The following CEP83 variants were observed in gnomAD, a reference collection of about 807,000 sequenced individuals.
CEP83 encodes centrosomal protein 83.
CEP83 carries 70 observed loss-of-function variants against 101.9 expected under a neutral mutation model. That is an observed-to-expected ratio of 0.69 (90% confidence interval 0.57 to 0.84). The LOEUF (loss-of-function observed/expected upper bound fraction) is 0.84. Among genes scored for constraint, CEP83 ranks in the 40% least tolerant of loss-of-function variants. The pLI is 0.00. For missense variants in CEP83, 715 were observed against 787.2 expected (o/e 0.91, Z 1.10); for synonymous variants, 264 against 267.9 (o/e 0.99, Z 0.14).
chr12:94,408,470 C>T (rs79823013), intron 4 of CEP83, among the ~76,000 whole-genome samples: 8 of 152,172 alleles, frequency 5.3e-5, no homozygotes, highest in South Asian at 2.1e-4. Flanking sequence ...AAGTAATTTC[C>T]GTTTTATTAG....
chr12:94,392,387 C>T (rs547358728), intron 6 of CEP83, among the ~76,000 whole-genome samples: 4 of 152,266 alleles, frequency 2.6e-5, no homozygotes, highest in African/African-American at 9.6e-5. Flanking sequence ...TCCTGAATGA[C>T]TACTGGGTAA....
chr12:94,455,929 C>T (rs1259400844), intron 1 of CEP83, among the ~76,000 whole-genome samples: 1 of 151,870 alleles, frequency 6.6e-6, no homozygotes, highest in Non-Finnish European at 1.5e-5. Context: ...CACCTGTTAG[C>T]CCCAGCCACT....
chr12:94,272,300 C>T, the CEP83 span: 1 of 152,260 alleles, frequency 6.6e-6, no homozygotes, highest in African/African-American at 2.4e-5. Context: ...AGAGCAGCTG[C>T]TCCTCTCTTG....
chr12:94,300,632 TGAGA>T, the CEP83 span, among the ~76,000 whole-genome samples: 1 of 152,152 alleles, frequency 6.6e-6, no homozygotes, highest in African/African-American at 2.4e-5. Flanking sequence ...ATAATCCAGG[TGAGA>T]GAGATTATAA....
intron 11 of CEP83, among the ~76,000 whole-genome samples, chr12:94,336,032 G>C (rs1048376077): frequency 6.6e-6 from 1 of 152,158 alleles, no homozygotes; most frequent in Non-Finnish European, 1.5e-5. Context: ...GTATCAGAAA[G>C]TAGTCTAGTT....
intron 3 of CEP83, 79 bp downstream of exon 3, chr12:94,412,239 T>C (rs763535850): frequency 5.1e-5 from 60 of 1,178,246 alleles, no homozygotes; most frequent in Non-Finnish European, 7.1e-5. Flanking sequence ...TTATACTATA[T>C]TCTATAGCAA....
intron 11 of CEP83, among the ~76,000 whole-genome samples, chr12:94,341,336 AT>A (rs1276252340): frequency 2.9e-4 from 44 of 152,316 alleles, no homozygotes; most frequent in African/African-American, 1.0e-3. Context: ...ATAAATGGAT[AT>A]TTCTGCTTTG....
chr12:94,390,703 C>T (rs1013660532), intron 6 of CEP83, among the ~76,000 whole-genome samples: 1 of 152,060 alleles, frequency 6.6e-6, no homozygotes, highest in East Asian at 1.9e-4. Flanking sequence ...ATGTTCGAAC[C>T]CATCGCAAGG....
chr12:94,407,183 C>T (rs2063596813), intron 4 of CEP83, among the ~76,000 whole-genome samples: 1 of 151,922 alleles, frequency 6.6e-6, no homozygotes, highest in African/African-American at 2.4e-5. Flanking sequence ...TTAAGAGTCT[C>T]CAAAGGAGGT....
chr12:94,454,790 T>C (rs1015277774), intron 1 of CEP83, among the ~76,000 whole-genome samples: 6 of 136,910 alleles, frequency 4.4e-5, no homozygotes, highest in South Asian at 2.5e-4. Flanking sequence ...GAATGAACAA[T>C]GCCGGACGCG....
In CEP83 at chr12:94,387,894, C is replaced by T. The variant is rs144659029; in HGVS notation, c.550-8852G>A. Among the ~76,000 whole-genome samples the T allele has an allele frequency of 1.9e-3, 293 of 151,954 alleles. 1 individual carries two copies. The highest frequency in any genetic ancestry group is 6.9e-3 in the African/African-American group (286 of 41,438). On this transcript the variant is annotated intron_variant, in intron 6 of 16. Coordinates refer to ENST00000397809, the MANE Select transcript of CEP83 (RefSeq NM_016122.3). ...AACACAATGAGATACCATCTCACAC[C>T]AGTCAGAATAGCTATTACTAAAAGG...
chr12:94,379,607 A>T (rs2061726383), intron 6 of CEP83, among the ~76,000 whole-genome samples: 2 of 152,212 alleles, frequency 1.3e-5, no homozygotes, highest in Admixed American at 6.5e-5. Flanking sequence ...TTCAAGAAGA[A>T]TTGAAAAATC....
the CEP83 span, chr12:94,280,022 ATTTG>A: frequency 5.4e-6 from 2 of 369,456 alleles, no homozygotes; most frequent in Admixed American, 3.8e-5. Context: ...TTGGCATTTG[ATTTG>A]TTTGTTGTGA....
At chr12:94,368,231 A>G in intron 9 of CEP83, 30 bp from the exon 10 acceptor site, 1 of 1,555,846 alleles carries the variant, frequency 6.4e-7, no homozygotes, top group Non-Finnish European at 8.8e-7. Flanking sequence ...AAAGTGTACT[A>G]TATTCAATGT....
At chr12:94,357,862 C>T in intron 11 of CEP83, among the ~76,000 whole-genome samples, 1 of 152,202 alleles carries the variant, frequency 6.6e-6, no homozygotes, top group Non-Finnish European at 1.5e-5. Flanking sequence ...GCACATAGCA[C>T]AGCTCCTGAT....
chr12:94,271,300 C>T, the CEP83 span, among the ~76,000 whole-genome samples: 1 of 152,200 alleles, frequency 6.6e-6, no homozygotes, highest in Non-Finnish European at 1.5e-5. Context: ...CAGCAACGTT[C>T]CTGCTTTTAT....
intron 14 of CEP83, among the ~76,000 whole-genome samples, chr12:94,322,827 C>A (rs561162988): frequency 6.6e-6 from 1 of 152,332 alleles, no homozygotes; most frequent in Admixed American, 6.5e-5. Flanking sequence ...AGCCCCATCC[C>A]TCCCCCTGGG....
At chr12:94,326,888 G>A (rs2058994953) in intron 14 of CEP83, among the ~76,000 whole-genome samples, 1 of 152,166 alleles carries the variant, frequency 6.6e-6, no homozygotes, top group Non-Finnish European at 1.5e-5. Context: ...CACTCTGACT[G>A]TAGATTTCTA....
chr12:94,439,777 A>C (rs1300955751), intron 1 of CEP83, among the ~76,000 whole-genome samples: 1 of 152,206 alleles, frequency 6.6e-6, no homozygotes, highest in Non-Finnish European at 1.5e-5. Flanking sequence ...ATGAACATAG[A>C]TGCAAAAATC....
Sources: allele counts gnomAD v4.1 joint callset (sites outside exome capture counted in the v4.1 genomes callset), GRCh38; gene constraint gnomAD v4.1.1; transcripts MANE v1.5; gene names NCBI Gene and HGNC (gene_info 2026-07-23, HGNC 2026-07-21).